The following RBM39 variants were observed in gnomAD, a reference collection of about 807,000 sequenced individuals.
RBM39 encodes RNA-binding protein 39.
A neutral mutation model predicts 79.6 loss-of-function variants in RBM39; 12 were observed. The observed-to-expected ratio is 0.15, with a 90% CI of 0.10 to 0.24. The LOEUF is 0.24. RBM39 is among the 10% of genes least tolerant of loss of function. The pLI is 1.00. For missense variants in RBM39, 243 were observed against 653.4 expected, an observed-to-expected ratio of 0.37 and a Z score of 6.85; for synonymous variants, 185 against 208.4, an observed-to-expected ratio of 0.89 and a Z score of 0.97.
At chr20:35,714,130 T>C (rs572266953) in intron 11 of RBM39, 55 bp downstream of exon 11, 1 of 1,546,954 alleles carries the variant, frequency 6.5e-7, no homozygotes, top group Non-Finnish European at 8.9e-7. Flanking sequence ...TGGCTACCTT[T>C]CTTTTCCACT....
At chr20:35,717,100 C>T (rs1313666875) in intron 9 of RBM39, among the ~76,000 whole-genome samples, 2 of 151,938 alleles carry the variant, frequency 1.3e-5, no homozygotes, top group Admixed American at 6.6e-5. Context: ...GCCAACATGA[C>T]GAAATCAGGT....
rs2035344371 is a variant in RBM39 at position 35,702,764 on chromosome 20, AATACAAAAATTAGCTGGGC to A, written c.*1698_*1716del. 6.6e-6 allele frequency: 1 copy of A among 152,258 alleles called. No individual in the cohort carries two copies. The highest frequency in any genetic ancestry group is 2.4e-5 in the African/African-American group (1 of 41,446). 9.4% of individuals were successfully genotyped at this position (152,258 alleles called of 1,614,324 possible). On this transcript the variant is annotated 3_prime_UTR_variant, in exon 17 of 17. Coordinates refer to ENST00000253363, the MANE Select transcript of RBM39 (RefSeq NM_184234.3). Reference sequence around the variant, plus strand: ...CCGGGCTAACACCGTCTCTGCTAAAAATACAAAAATTAGCTGGGCACGGTGGTGCGCACCTGTCCCAGCT... The same window carrying A: ...CCGGGCTAACACCGTCTCTGCTAAAAACGGTGGTGCGCACCTGTCCCAGCT...
chr20:35,728,248 C>G (rs924391261), intron 6 of RBM39, among the ~76,000 whole-genome samples: 1 of 152,116 alleles, frequency 6.6e-6, no homozygotes, highest in South Asian at 2.1e-4. Context: ...GAGGCTATTT[C>G]AAATAACTCA....
intron 3 of RBM39, chr20:35,734,158 A>G (rs1372708426): frequency 7.9e-7 from 1 of 1,267,004 alleles, no homozygotes; most frequent in African/African-American, 1.5e-5. Flanking sequence ...TTTAGAGTGC[A>G]TTGAAAATAG....
At chr20:35,714,042 TA>T in intron 11 of RBM39, 142 bp downstream of exon 11, 1 of 734,942 alleles carries the variant, frequency 1.4e-6, no homozygotes, top group Non-Finnish European at 2.2e-6. Flanking sequence ...ACATCATCTA[TA>T]AAATAATATG....
chr20:35,716,870 G>C, intron 9 of RBM39, 65 bp from the exon 10 acceptor site: 1 of 1,099,992 alleles, frequency 9.1e-7, no homozygotes, highest in Non-Finnish European at 1.3e-6. Context: ...TCTTCCCTGA[G>C]ACATGGTTTT....
In RBM39 at chr20:35,702,983, CAAACA is replaced by C. The variant is rs1253952526; in HGVS notation, c.*1493_*1497del. On this transcript the variant is annotated 3_prime_UTR_variant, in exon 17 of 17. Transcript: ENST00000253363. ...CTAGAACAATTATTGGGATAAATGT[CAAACA>C]AAACGACTGATATGAAATTCTGAAT... 1 of 151,826 alleles carries C rather than the reference CAAACA, an allele frequency of 6.6e-6. No individual in the cohort carries two copies. Among genetic ancestry groups the C allele is most frequent in the Non-Finnish European group, 1.5e-5 (1 of 67,956 alleles). 9.4% of individuals were successfully genotyped at this position (151,826 alleles called of 1,614,324 possible).
chr20:35,714,149 C>G (rs2036820151), intron 11 of RBM39, 36 bp downstream of exon 11: 1 of 1,590,838 alleles, frequency 6.3e-7, no homozygotes, highest in African/African-American at 1.3e-5. Flanking sequence ...CTACAATACC[C>G]ACAGTAAATC....
intron 12 of RBM39, among the ~76,000 whole-genome samples, chr20:35,710,769 AT>A: frequency 6.6e-6 from 1 of 152,218 alleles, no homozygotes; most frequent in Non-Finnish European, 1.5e-5. Flanking sequence ...TTACACAGAT[AT>A]TCACCTAAAA....
chr20:35,733,001 A>G (rs2039531985), intron 3 of RBM39, among the ~76,000 whole-genome samples: 1 of 152,162 alleles, frequency 6.6e-6, no homozygotes, highest in Non-Finnish European at 1.5e-5. Context: ...GTAATGACAA[A>G]GGACAATAAG....
intron 12 of RBM39, among the ~76,000 whole-genome samples, chr20:35,711,020 A>C (rs1210317472): frequency 1.3e-5 from 2 of 152,210 alleles, no homozygotes; most frequent in Non-Finnish European, 2.9e-5. Context: ...ATTCATCCAT[A>C]ATAAAAGAAA....
At chr20:35,715,396 G>T (rs1399596993) in intron 10 of RBM39, among the ~76,000 whole-genome samples, 1 of 152,048 alleles carries the variant, frequency 6.6e-6, no homozygotes, top group South Asian at 2.1e-4. Flanking sequence ...GGATGGTCTT[G>T]ATCTCCTGAC....
intron 12 of RBM39, among the ~76,000 whole-genome samples, chr20:35,711,058 A>C (rs1027893346): frequency 6.6e-6 from 1 of 152,210 alleles, no homozygotes; most frequent in African/African-American, 2.4e-5. Flanking sequence ...ACTGATATTT[A>C]ACAGTGGATA....
At chr20:35,740,999 G>T (rs774269096) in intron 1 of RBM39, 112 bp from the exon 2 acceptor site, 27 of 286,424 alleles carry the variant, frequency 9.4e-5, no homozygotes, top group Non-Finnish European at 1.4e-4. Flanking sequence ...CCTAGGAAAA[G>T]AACAAGACGA....
At chr20:35,710,035 A>G (rs1022650925) in intron 12 of RBM39, among the ~76,000 whole-genome samples, 1 of 152,226 alleles carries the variant, frequency 6.6e-6, no homozygotes, top group Non-Finnish European at 1.5e-5. Context: ...TCTACAGTGG[A>G]CGCCATCTGA....
At chr20:35,715,335 C>T (rs1292782847) in intron 10 of RBM39, among the ~76,000 whole-genome samples, 6 of 152,052 alleles carry the variant, frequency 3.9e-5, no homozygotes, top group Non-Finnish European at 7.4e-5. Flanking sequence ...CCACCACGCC[C>T]GGTTAATTTT....
At chr20:35,714,522 G>T (rs1407469823) in intron 10 of RBM39, 133 bp from the exon 11 acceptor site, 8 of 1,279,116 alleles carry the variant, frequency 6.3e-6, no homozygotes, top group African/African-American at 3.0e-5. Context: ...ACTGCAAGCT[G>T]TAAGTAGCAA....
intron 2 of RBM39, 109 bp from the exon 3 acceptor site, chr20:35,739,126 A>G (rs537145512): frequency 1.1e-6 from 1 of 927,292 alleles, no homozygotes; most frequent in Non-Finnish European, 1.7e-6. Context: ...TTTAAAACTA[A>G]TTATTTACTT....
chr20:35,718,448 G>T (rs1183038877), intron 9 of RBM39, among the ~76,000 whole-genome samples: 1 of 152,022 alleles, frequency 6.6e-6, no homozygotes, highest in Non-Finnish European at 1.5e-5. Context: ...AGCTGACATG[G>T]GCAGACTATC....
Sources: gnomAD v4.1 joint callset for allele counts (sites outside exome capture counted in the v4.1 genomes callset) on GRCh38, gnomAD v4.1.1 for gene constraint, MANE v1.5 for transcripts, NCBI Gene and HGNC (gene_info 2026-07-23, HGNC 2026-07-21) for gene names.